The following SLC9C1 variants were observed in gnomAD, a reference collection of about 807,000 sequenced individuals.
SLC9C1 encodes solute carrier family 9 member C1, also known as sodium/hydrogen exchanger 10.
In SLC9C1, 97 loss-of-function variants were observed where a neutral mutation model predicts 140.9. That is an observed-to-expected ratio of 0.69 (90% CI 0.58 to 0.82). SLC9C1 has a LOEUF of 0.82. Among genes scored for constraint, SLC9C1 ranks in the 40% least tolerant of loss-of-function variants. The pLI, the probability that SLC9C1 is intolerant of heterozygous loss-of-function variation, is 0.00. For missense variants in SLC9C1, 1,340 were observed against 1,389.3 expected (o/e 0.96, Z 0.56); for synonymous variants, 440 against 442.6 (o/e 0.99, Z 0.07).
intron 26 of SLC9C1, among the ~76,000 whole-genome samples, chr3:112,164,998 T>C (rs993263878): frequency 3.9e-5 from 6 of 152,216 alleles, no homozygotes; most frequent in African/African-American, 1.2e-4. Context: ...TCTAAACTTC[T>C]CTTCTCACTT....
intron 2 of SLC9C1, among the ~76,000 whole-genome samples, chr3:112,284,963 A>C (rs1423366666): frequency 2.0e-5 from 3 of 149,584 alleles, no homozygotes; most frequent in East Asian, 3.9e-4. Context: ...GTTTTACATT[A>C]TTAGAAAAAA....
At chr3:112,292,993 G>A (rs1403416803) in intron 1 of SLC9C1, among the ~76,000 whole-genome samples, 1 of 77,182 alleles carries the variant, frequency 1.3e-5, no homozygotes, top group Non-Finnish European at 3.0e-5. Flanking sequence ...AGTTGACTGA[G>A]CACAGTGGCT....
chr3:112,271,846 CAT>C (rs898373789), intron 6 of SLC9C1, among the ~76,000 whole-genome samples: 4 of 152,106 alleles, frequency 2.6e-5, no homozygotes, highest in African/African-American at 9.7e-5. Context: ...TTGAGCATTT[CAT>C]ATGTTTTAGC....
intron 12 of SLC9C1, among the ~76,000 whole-genome samples, chr3:112,237,148 C>G (rs558119009): frequency 2.0e-5 from 3 of 152,182 alleles, no homozygotes; most frequent in Middle Eastern, 3.4e-3. Flanking sequence ...TCTAGGTGCT[C>G]CTGTATTGGG....
intron 27 of SLC9C1, among the ~76,000 whole-genome samples, chr3:112,153,207 T>C (rs2075033369): frequency 1.3e-5 from 2 of 152,198 alleles, no homozygotes; most frequent in African/African-American, 4.8e-5. Flanking sequence ...TTAACAAACT[T>C]TCATTTTCAC....
At chr3:112,191,729 C>A (rs1441987207) in intron 20 of SLC9C1, among the ~76,000 whole-genome samples, 3 of 151,918 alleles carry the variant, frequency 2.0e-5, no homozygotes, top group African/African-American at 7.2e-5. Flanking sequence ...TCCTTCTTTG[C>A]TTTTTTGGAG....
chr3:112,145,230 T>C (rs954477783), intron 28 of SLC9C1, among the ~76,000 whole-genome samples: 2 of 152,218 alleles, frequency 1.3e-5, no homozygotes, highest in African/African-American at 4.8e-5. Context: ...GGTTTTGTTT[T>C]TGATTCTGTT....
At chr3:112,271,393 G>GTATATTTATATATATATATATATA (rs2080070330) in intron 6 of SLC9C1, among the ~76,000 whole-genome samples, 1 of 125,574 alleles carries the variant, frequency 8.0e-6, no homozygotes, top group Non-Finnish European at 1.7e-5. Context: ...ATTCTACATT[G>GTATATTTATATATATATATATATA]TATATATATA....
chr3:112,182,239 T>C lies in SLC9C1; in HGVS notation c.2543A>G (p.Lys848Arg). 6.2e-7 allele frequency: 1 copy of C among 1,603,968 alleles called. No individual in the cohort carries two copies. Among genetic ancestry groups the C allele is most frequent in the Non-Finnish European group, 8.5e-7 (1 of 1,175,646 alleles). ...AATAGATTGAGAATCAAGCACCTCT[T>C]TCTTTTTGGCCATGATTAACTAAAA... ...GINKLIMAKK[K>R]EVLDSQSIIR... is the part of the protein sequence containing the mutation. Residue 848 changes from lysine (K) to arginine (R), a missense_variant, in exon 21 of 29, where the codon AAA (lysine) becomes AGA (arginine). Coordinates refer to ENST00000305815, the MANE Select transcript of SLC9C1 (RefSeq NM_183061.3).
chr3:112,248,729 T>C (rs1201448254), intron 10 of SLC9C1, among the ~76,000 whole-genome samples: 2 of 152,170 alleles, frequency 1.3e-5, no homozygotes, highest in African/African-American at 4.8e-5. Flanking sequence ...TTGCCCTTAT[T>C]TGAAACTTAA....
In SLC9C1 at chr3:112,244,011, C is replaced by G. The variant is rs1256504454; in HGVS notation, c.1263G>C (p.Val421=). ...AGGGCTTACCTAGTATAGTAACTGCCACTGGCAAAATAAATCTATTGACAA... is the reference window on the plus strand; with the variant it reads ...AGGGCTTACCTAGTATAGTAACTGCGACTGGCAAAATAAATCTATTGACAA... ...TLVVNRFILP[V]AVTILGLRDA... The change falls in exon 11 of 29, where the codon GTG becomes GTC. Residue 421 remains valine (V), a synonymous_variant. Transcript: ENST00000305815. 1.9e-6 allele frequency: 3 copies of G among 1,603,872 alleles called. No individual in the cohort carries two copies. Among genetic ancestry groups the G allele is most frequent in the Non-Finnish European group, 2.6e-6 (3 of 1,174,092 alleles).
chr3:112,207,999 T>A (rs745469505), intron 16 of SLC9C1, among the ~76,000 whole-genome samples, 179 bp downstream of exon 16: 6 of 152,218 alleles, frequency 3.9e-5, no homozygotes, highest in Non-Finnish European at 7.3e-5. Flanking sequence ...GCTTCAAGTA[T>A]GCATATTATC....
At chr3:112,258,176 C>A (rs2079664732) in intron 10 of SLC9C1, among the ~76,000 whole-genome samples, 1 of 152,290 alleles carries the variant, frequency 6.6e-6, no homozygotes, top group East Asian at 1.9e-4. Context: ...TTTGACCCAG[C>A]AATCCCATTC....
rs115541228 is a variant in SLC9C1, at chr3:112,203,066, C to A, written c.2173-667G>T. 4.0e-3 allele frequency among the ~76,000 whole-genome samples: 610 copies of A among 152,134 alleles called. 5 individuals carry two copies. The highest frequency in any genetic ancestry group is 0.013 in the African/African-American group (558 of 41,520). On this transcript the variant is annotated intron_variant, in intron 17 of 28. Coordinates refer to ENST00000305815, the MANE Select transcript of SLC9C1 (RefSeq NM_183061.3). The stretch of plus-strand genomic sequence containing the variant: ...TCAAGTATCACCTAATAAATGAAGT[C>A]TTTTCTCATTCTGTGCATACTCCTG...
At chr3:112,154,895 A>G in intron 27 of SLC9C1, 102 bp downstream of exon 27, 1 of 1,111,912 alleles carries the variant, frequency 9.0e-7, no homozygotes, top group Non-Finnish European at 1.3e-6. Context: ...TGACTAGCAG[A>G]TGAACTTTTT....
At chr3:112,194,328 G>C (rs576801708) in intron 20 of SLC9C1, among the ~76,000 whole-genome samples, 18 of 152,252 alleles carry the variant, frequency 1.2e-4, no homozygotes, top group African/African-American at 4.1e-4. Context: ...GGGGGAGATG[G>C]GGCTGCAGAA....
chr3:112,254,522 T>TTA (rs1553699567), intron 10 of SLC9C1, among the ~76,000 whole-genome samples: 5 of 151,822 alleles, frequency 3.3e-5, no homozygotes, highest in East Asian at 3.9e-4. Context: ...AAATTTTTTT[T>TTA]ATTTCAGATA....
intron 13 of SLC9C1, among the ~76,000 whole-genome samples, chr3:112,230,617 T>TA: frequency 6.6e-6 from 1 of 152,266 alleles, no homozygotes; most frequent in East Asian, 1.9e-4. Flanking sequence ...AATCATACCC[T>TA]ACAGATCTCC....
intron 13 of SLC9C1, among the ~76,000 whole-genome samples, chr3:112,224,585 CAAAA>C (rs1277198067): frequency 9.9e-6 from 1 of 100,544 alleles, no homozygotes; most frequent in Non-Finnish European, 2.1e-5. Context: ...AGAAACTCAA[CAAAA>C]AGATAGATAT....
Sources: gnomAD v4.1 joint callset for allele counts (sites outside exome capture counted in the v4.1 genomes callset) on GRCh38, gnomAD v4.1.1 for gene constraint, MANE v1.5 for transcripts, NCBI Gene and HGNC (gene_info 2026-07-23, HGNC 2026-07-21) for gene names.